MOB3B: variants seen among roughly 807,000 people sequenced by gnomAD.
MOB3B encodes MOB kinase activator 3B.
Under a neutral mutation model 18.7 loss-of-function variants are expected in MOB3B, and 7 were observed. The ratio of observed to expected loss-of-function variants is 0.37; its 90% CI spans 0.21 to 0.70. The LOEUF (loss-of-function observed/expected upper bound fraction) is 0.70, where lower values mean the gene tolerates loss of function less well. Among genes scored for constraint, MOB3B ranks in the 30% least tolerant of loss-of-function variants. The probability of loss-of-function intolerance (pLI) is 0.52; values close to 1 mark genes in which losing one functional copy is unlikely to be tolerated. For synonymous variants in MOB3B, 111 were observed against 99.9 expected (o/e 1.11, Z -0.66); for missense variants, 253 against 281.3 (o/e 0.90, Z 0.72).
intron 2 of MOB3B, among the ~76,000 whole-genome samples, chr9:27,374,216 ATTT>A (rs34635444): frequency 0.051 from 7,561 of 148,622 alleles, 237 homozygotes; most frequent in African/African-American, 0.064. Flanking sequence ...TGTCTGAAGT[ATTT>A]TTTTTTTTTT....
Position 27,377,423 on chromosome 9 carries a change from G to A in MOB3B, c.419-18187C>T, listed in dbSNP as rs189909421. Among the ~76,000 whole-genome samples the A allele has an allele frequency of 4.4e-3, 673 of 152,236 alleles. 3 individuals are homozygous for A. The highest frequency in any genetic ancestry group is 0.015 in the African/African-American group (636 of 41,522). ...GCTGAAAATACACGGCTAGAGAGCC[G>A]GGCTTGGTCATCTGGACCTCAAAAC... is the stretch of plus-strand genomic sequence containing the variant. On this transcript the variant is annotated intron_variant, in intron 2 of 3. Transcript: ENST00000262244.
chr9:27,422,231 G>A (rs759946426), intron 2 of MOB3B, among the ~76,000 whole-genome samples: 20 of 152,280 alleles, frequency 1.3e-4, no homozygotes, highest in Middle Eastern at 3.4e-3. Flanking sequence ...TAGGTGGCTG[G>A]CTGAGCAATT....
Position 27,463,992 on chromosome 9 carries a change from C to G in MOB3B, c.-198-8244G>C, listed in dbSNP as rs77039747. ...AAAAAGAAAAAAATAATAAGGATAA[C>G]GGTTAATGGTGCTTACCTTTATTGT... On this transcript the variant is annotated intron_variant, in intron 1 of 3. Coordinates refer to ENST00000262244, the MANE Select transcript of MOB3B (RefSeq NM_024761.5). 1.8e-3 allele frequency among the ~76,000 whole-genome samples: 281 copies of G among 152,060 alleles called. 2 individuals carry two copies. The highest frequency in any genetic ancestry group is 6.5e-3 in the African/African-American group (271 of 41,456).
At chr9:27,492,586 C>T (rs772532837) in intron 1 of MOB3B, among the ~76,000 whole-genome samples, 5 of 152,138 alleles carry the variant, frequency 3.3e-5, no homozygotes, top group Non-Finnish European at 5.9e-5. Context: ...AGGATTTAAC[C>T]ATTTACCAAA....
Position 27,329,783 on chromosome 9 carries a change from A to G in MOB3B, c.*804T>C, listed in dbSNP as rs1354990817. 6.6e-6 allele frequency: 1 copy of G among 152,664 alleles called. No individual in the cohort carries two copies. The highest frequency in any genetic ancestry group is 2.4e-5 in the African/African-American group (1 of 41,452). The allele number at this position is 152,664 out of a possible 1,614,324, so 9.5% of individuals were successfully genotyped here. On this transcript the variant is annotated 3_prime_UTR_variant, in exon 4 of 4. Transcript: ENST00000262244. ...TCTCTCTTCTGGGAAACAGGAAAGA[A>G]TATCTTCCACTGAAGAGACAAGGAA...
At chr9:27,404,178 C>T (rs144429426) in intron 2 of MOB3B, among the ~76,000 whole-genome samples, 145 of 151,678 alleles carry the variant, frequency 9.6e-4, no homozygotes, top group African/African-American at 3.3e-3. Flanking sequence ...CACATATTAA[C>T]GAGAACATGT....
chr9:27,492,391 A>G (rs149734923), intron 1 of MOB3B, among the ~76,000 whole-genome samples: 3 of 152,244 alleles, frequency 2.0e-5, no homozygotes, highest in Non-Finnish European at 1.5e-5. Context: ...TTAAAACACT[A>G]AAGAATGGAT....
intron 3 of MOB3B, among the ~76,000 whole-genome samples, chr9:27,341,185 C>G (rs1373498552): frequency 1.3e-5 from 2 of 152,176 alleles, no homozygotes; most frequent in Non-Finnish European, 2.9e-5. Context: ...GTTGCAGGCA[C>G]CAGAGTTTTA....
rs149576961 is a variant in MOB3B at position 27,516,521 on chromosome 9, A to G, written c.-199+13034T>C. Reference sequence around the variant, plus strand: ...ATTAGGCCTAGATCAACAATGGCAAATAGAGCTTAACTGAGAATAGCTGGA... The same window carrying G: ...ATTAGGCCTAGATCAACAATGGCAAGTAGAGCTTAACTGAGAATAGCTGGA... On this transcript the variant is annotated intron_variant, in intron 1 of 3. Coordinates refer to ENST00000262244, the MANE Select transcript of MOB3B (RefSeq NM_024761.5). Among the ~76,000 whole-genome samples the G allele has an allele frequency of 4.0e-3, 615 of 152,368 alleles. 4 individuals are homozygous for G. Among genetic ancestry groups the G allele is most frequent in the African/African-American group, 0.014 (562 of 41,582 alleles).
In MOB3B at chr9:27,515,343, C is replaced by T. The variant is rs74325841; in HGVS notation, c.-199+14212G>A. On this transcript the variant is annotated intron_variant, in intron 1 of 3. Coordinates refer to ENST00000262244, the MANE Select transcript of MOB3B (RefSeq NM_024761.5). ...AGTGGATTTTAACCCAAACCCTTTA[C>T]GACACTAGTCCTGTAAAAAGACAAT... 7.1e-3 allele frequency among the ~76,000 whole-genome samples: 1,077 copies of T among 152,254 alleles called. 13 individuals carry two copies. Among genetic ancestry groups the T allele is most frequent in the African/African-American group, 0.023 (971 of 41,524 alleles).
At chr9:27,395,305 T>C (rs151055144) in intron 2 of MOB3B, among the ~76,000 whole-genome samples, 2 of 152,224 alleles carry the variant, frequency 1.3e-5, no homozygotes, top group Admixed American at 6.5e-5. Flanking sequence ...AGATTGTAAA[T>C]GTTCTCACCA....
chr9:27,487,884 TG>T (rs1252745290), intron 1 of MOB3B, among the ~76,000 whole-genome samples: 1 of 152,220 alleles, frequency 6.6e-6, no homozygotes, highest in Non-Finnish European at 1.5e-5. Context: ...CATGGTCTTT[TG>T]TGTGCATCCT....
chr9:27,463,883 G>A, intron 1 of MOB3B, among the ~76,000 whole-genome samples: 1 of 152,018 alleles, frequency 6.6e-6, no homozygotes, highest in South Asian at 2.1e-4. Flanking sequence ...CTGAGCCTGG[G>A]GATGTCCAGA....
rs1213846396 is a variant in MOB3B at position 27,326,613 on chromosome 9, G to T, written c.*3974C>A. ...TTTTCACCAAGGAAGTTACTGGCAT[G>T]GTTTGAGAGATAGAAGGAATTGATT... On this transcript the variant is annotated 3_prime_UTR_variant, in exon 4 of 4. Transcript: ENST00000262244. The T allele has an allele frequency of 5.0e-6, 2 of 398,414 alleles. No individual in the cohort carries two copies. The highest frequency in any genetic ancestry group is 2.6e-4 in the South Asian group (2 of 7,834). 24.7% of individuals were successfully genotyped at this position (398,414 alleles called of 1,614,324 possible).
rs149711183 is a variant in MOB3B at position 27,361,346 on chromosome 9, C to T, written c.419-2110G>A. Among the ~76,000 whole-genome samples the T allele has an allele frequency of 3.0e-3, 455 of 152,182 alleles. 6 individuals are homozygous for T. Among genetic ancestry groups the T allele is most frequent in the African/African-American group, 9.7e-3 (404 of 41,520 alleles). On this transcript the variant is annotated intron_variant, in intron 2 of 3. Transcript: ENST00000262244. ...CAGGTTAGAGGAACCACTCGATTGT[C>T]AAGCACAGTGAGGCATCTAAAAGTT...
chr9:27,486,709 T>C lies in MOB3B; in HGVS notation c.-198-30961A>G, dbSNP rs755452290. On this transcript the variant is annotated intron_variant, in intron 1 of 3. Transcript: ENST00000262244. ...AAATCCACCCAGGCTAGTGTGACTG[T>C]GGGGAGAAGTGGTGCTTTAAGAATT... is the stretch of plus-strand genomic sequence containing the variant. Among the ~76,000 whole-genome samples the C allele has an allele frequency of 2.0e-5, 3 of 152,152 alleles. No homozygotes were observed. The East Asian group carries it at 5.8e-4, about 29-fold the overall frequency.
At chr9:27,398,008 CAA>C (rs963539601) in intron 2 of MOB3B, among the ~76,000 whole-genome samples, 7 of 152,204 alleles carry the variant, frequency 4.6e-5, no homozygotes, top group African/African-American at 1.7e-4. Context: ...ATTTTTTACC[CAA>C]GTCTCCCGTC....
intron 1 of MOB3B, among the ~76,000 whole-genome samples, chr9:27,462,511 C>G (rs1819308921): frequency 6.6e-6 from 1 of 152,054 alleles, no homozygotes; most frequent in South Asian, 2.1e-4. Flanking sequence ...TCACTCTGAA[C>G]CTTGAACGGA....
At chr9:27,374,882 A>G (rs906778812) in intron 2 of MOB3B, among the ~76,000 whole-genome samples, 1 of 152,188 alleles carries the variant, frequency 6.6e-6, no homozygotes, top group Non-Finnish European at 1.5e-5. Flanking sequence ...CCATTTATTT[A>G]TATTGCCAGC....
Sources: allele counts gnomAD v4.1 joint callset (sites outside exome capture counted in the v4.1 genomes callset), GRCh38; gene constraint gnomAD v4.1.1; transcripts MANE v1.5; gene names NCBI Gene and HGNC (gene_info 2026-07-23, HGNC 2026-07-21).